Variants in CDH8 observed in about 807,000 individuals in gnomAD.
CDH8 encodes the protein cadherin 8.
CDH8 carries 17 observed loss-of-function variants against 68.1 expected under a neutral mutation model. The observed-to-expected ratio is 0.25, with a 90% CI of 0.17 to 0.37. The LOEUF (loss-of-function observed/expected upper bound fraction) is 0.37. Ranked by LOEUF, CDH8 falls within the 10% of genes least tolerant of loss-of-function variation. CDH8 has a pLI of 1.00. For synonymous variants in CDH8, 372 were observed against 365.1 expected, an observed-to-expected ratio of 1.02 and a Z score of -0.21; for missense variants, 763 against 999.3, an observed-to-expected ratio of 0.76 and a Z score of 3.19.
chr16:61,729,744 A>C (rs1466100378), intron 8 of CDH8, among the ~76,000 whole-genome samples: 4 of 151,466 alleles, frequency 2.6e-5, no homozygotes, highest in Admixed American at 6.6e-5. Flanking sequence ...ATTAATAAAT[A>C]GTGATTAGCA....
chr16:61,715,821 G>C (rs1186648726), intron 9 of CDH8, among the ~76,000 whole-genome samples: 3 of 151,594 alleles, frequency 2.0e-5, no homozygotes, highest in East Asian at 3.9e-4. Flanking sequence ...TAACTCCTTT[G>C]GACAGCCTGC....
intron 2 of CDH8, chr16:61,940,124 G>A (rs562677645): frequency 1.3e-5 from 2 of 152,014 alleles, no homozygotes; most frequent in Non-Finnish European, 2.9e-5. Context: ...TATATTTCTA[G>A]GTTAGTCATA....
chr16:62,022,474 A>T (rs1902097612), intron 1 of CDH8, among the ~76,000 whole-genome samples: 1 of 152,134 alleles, frequency 6.6e-6, no homozygotes, highest in Non-Finnish European at 1.5e-5. Flanking sequence ...GGCACAAAAA[A>T]ATCCCCATTA....
intron 10 of CDH8, among the ~76,000 whole-genome samples, chr16:61,693,977 A>G (rs1964280928): frequency 6.6e-6 from 1 of 152,186 alleles, no homozygotes; most frequent in African/African-American, 2.4e-5. Flanking sequence ...ATTATCATAT[A>G]TAATCCTTAA....
chr16:61,834,762 G>T (rs1279481890), intron 4 of CDH8, among the ~76,000 whole-genome samples: 2 of 151,782 alleles, frequency 1.3e-5, no homozygotes, highest in South Asian at 2.1e-4. Flanking sequence ...CAAATATATG[G>T]TTATGACATG....
At chr16:61,698,606 C>A (rs909828719) in intron 10 of CDH8, among the ~76,000 whole-genome samples, 1 of 152,154 alleles carries the variant, frequency 6.6e-6, no homozygotes, top group East Asian at 1.9e-4. Context: ...AGACTCATTG[C>A]AATATGAGTG....
rs567124772 is a variant in CDH8, at chr16:62,004,777, G to A, written c.252+16375C>T. ...TATTCTTTAAAAAGTTTCAAATTAA[G>A]TATCTGCATTCAGTCAATCAGTCTT... is the stretch of plus-strand genomic sequence containing the variant. On this transcript the variant is annotated intron_variant, in intron 2 of 11. Transcript: ENST00000577390. 1.5e-4 allele frequency among the ~76,000 whole-genome samples: 23 copies of A among 152,258 alleles called. No individual in the cohort carries two copies. The East Asian group carries it at 3.9e-3, about 26-fold the overall frequency.
chr16:62,016,117 C>T (rs1378321922), intron 2 of CDH8, among the ~76,000 whole-genome samples: 1 of 152,138 alleles, frequency 6.6e-6, no homozygotes, highest in Admixed American at 6.5e-5. Flanking sequence ...ATATCAGCTT[C>T]CAGGTTACTT....
At chr16:61,927,750 C>T (rs1024190856) in intron 2 of CDH8, among the ~76,000 whole-genome samples, 1 of 152,170 alleles carries the variant, frequency 6.6e-6, no homozygotes, top group Non-Finnish European at 1.5e-5. Context: ...TGTGATGCCT[C>T]AGTAGACATG....
rs537301264 is a variant in CDH8 at position 62,021,532 on chromosome 16, G to A, written c.-129C>T. The stretch of plus-strand genomic sequence containing the variant: ...CAGCTCTGCCACGTGTCTATAGCAC[G>A]GGAAACAGACATCATCTAAGCAGCT... On this transcript the variant is annotated 5_prime_UTR_variant, in exon 2 of 12. Transcript: ENST00000577390. The A allele has an allele frequency of 8.9e-6, 13 of 1,457,496 alleles. No individual in the cohort carries two copies. Among genetic ancestry groups the A allele is most frequent in the Middle Eastern group, 4.8e-4 (2 of 4,124 alleles). The allele number at this position is 1,457,496 out of a possible 1,614,324, so 90.3% of individuals were successfully genotyped here.
intron 4 of CDH8, among the ~76,000 whole-genome samples, chr16:61,825,469 T>C (rs894066924): frequency 1.3e-5 from 2 of 151,850 alleles, no homozygotes; most frequent in Admixed American, 1.3e-4. Context: ...CCTACCAAAT[T>C]ATAATGTATA....
chr16:61,807,667 A>T (rs1383639088), intron 7 of CDH8, among the ~76,000 whole-genome samples: 6 of 152,158 alleles, frequency 3.9e-5, no homozygotes, highest in Non-Finnish European at 8.8e-5. Context: ...GCTATCCACT[A>T]CTTAGGGTCC....
intron 8 of CDH8, among the ~76,000 whole-genome samples, chr16:61,764,503 G>T (rs1322130132): frequency 6.6e-6 from 1 of 151,956 alleles, no homozygotes; most frequent in Non-Finnish European, 1.5e-5. Flanking sequence ...ATGCAACATG[G>T]TAACCATTTT....
chr16:61,999,790 T>TC (rs1040816652), intron 2 of CDH8, among the ~76,000 whole-genome samples: 22 of 151,792 alleles, frequency 1.4e-4, no homozygotes, highest in African/African-American at 4.4e-4. Context: ...TATAATGAAT[T>TC]CCCCCCTTTT....
intron 2 of CDH8, among the ~76,000 whole-genome samples, chr16:61,925,248 G>A (rs1356889517): frequency 2.0e-5 from 3 of 152,126 alleles, no homozygotes; most frequent in African/African-American, 7.2e-5. Context: ...ACATGGCCAC[G>A]CTGGTTAAAT....
chr16:62,006,023 G>A (rs1158857080), intron 2 of CDH8, among the ~76,000 whole-genome samples: 1 of 152,188 alleles, frequency 6.6e-6, no homozygotes, highest in East Asian at 1.9e-4. Flanking sequence ...TTTGAATGGT[G>A]AAGAGTTACC....
At chr16:61,847,158 G>A (rs1962824810) in intron 4 of CDH8, among the ~76,000 whole-genome samples, 1 of 151,876 alleles carries the variant, frequency 6.6e-6, no homozygotes, top group African/African-American at 2.4e-5. Flanking sequence ...GGATTTAACT[G>A]TCTGTGTTTG....
At chr16:61,797,690 A>T (rs567786416) in intron 7 of CDH8, among the ~76,000 whole-genome samples, 11 of 152,146 alleles carry the variant, frequency 7.2e-5, no homozygotes, top group Non-Finnish European at 1.6e-4. Flanking sequence ...CTTGTAGATG[A>T]CACTGCCAAA....
chr16:61,766,439 T>C (rs995689425), intron 8 of CDH8, among the ~76,000 whole-genome samples: 2 of 152,016 alleles, frequency 1.3e-5, no homozygotes, highest in Non-Finnish European at 2.9e-5. Context: ...TGAATCGCAC[T>C]GTGATAAACA....
Sources: gnomAD v4.1 joint callset for allele counts (sites outside exome capture counted in the v4.1 genomes callset) on GRCh38, gnomAD v4.1.1 for gene constraint, MANE v1.5 for transcripts, NCBI Gene and HGNC (gene_info 2026-07-23, HGNC 2026-07-21) for gene names.